CLUAP1: variants seen among roughly 807,000 people sequenced by gnomAD.
CLUAP1 encodes the protein intraflagellar transport 38.
CLUAP1 carries 50 observed loss-of-function variants against 55.0 expected under a neutral mutation model. That is an observed-to-expected ratio of 0.91 (90% CI 0.72 to 1.15). The LOEUF (loss-of-function observed/expected upper bound fraction) is 1.15, where lower values mean the gene tolerates loss of function less well. Ranked by LOEUF, CLUAP1 falls within the 50% of genes most tolerant of loss-of-function variation. The pLI, the probability that CLUAP1 is intolerant of heterozygous loss-of-function variation, is 0.00. For missense variants in CLUAP1, 530 were observed against 507.6 expected (o/e 1.04, Z -0.42); for synonymous variants, 195 against 175.4 (o/e 1.11, Z -0.88).
rs922774720 is a variant in CLUAP1 at position 3,539,011 on chromosome 16, A to G, written c.*2740A>G. 6.6e-6 allele frequency: 1 copy of G among 150,978 alleles called. No homozygotes were observed. Among genetic ancestry groups the G allele is most frequent in the Non-Finnish European group, 1.5e-5 (1 of 67,196 alleles). 9.4% of individuals were successfully genotyped at this position (150,978 alleles called of 1,614,324 possible). ...TAAAATGCTTTAAAAAAAAATGTGT[A>G]TGGATGGAAAATACAAAGGAATTTT... On this transcript the variant is annotated 3_prime_UTR_variant, in exon 12 of 12. Transcript: ENST00000576634.
Position 3,523,195 on chromosome 16 carries a change from G to A in CLUAP1, c.751G>A (p.Glu251Lys), listed in dbSNP as rs1214582590. The A allele has an allele frequency of 1.2e-6, 2 of 1,613,360 alleles. No homozygotes were observed. Among genetic ancestry groups the A allele is most frequent in the Admixed American group, 1.7e-5 (1 of 59,872 alleles). ...GGATGAGTATGAGAAGACTGAGGAA[G>A]AATTACAAAAGCAGTATGACACTTA... ...FMDEYEKTEE[E>K]LQKQYDTYLE... Residue 251 changes from glutamate to lysine, a missense_variant, in exon 8 of 12, where the codon GAA (glutamate) becomes AAA (lysine). Physicochemically the swap from Glu to Lys is moderately conservative, Grantham distance 56. Coordinates refer to ENST00000576634, the MANE Select transcript of CLUAP1 (RefSeq NM_015041.3).
intron 10 of CLUAP1, among the ~76,000 whole-genome samples, chr16:3,532,306 G>T (rs944118625): frequency 1.3e-5 from 2 of 150,298 alleles, no homozygotes; most frequent in Non-Finnish European, 2.9e-5. Flanking sequence ...TAGGTCAAAG[G>T]TTCCATAAAT....
At chr16:3,525,667 C>T (rs536532391) in intron 8 of CLUAP1, among the ~76,000 whole-genome samples, 6 of 151,990 alleles carry the variant, frequency 3.9e-5, no homozygotes, top group African/African-American at 7.3e-5. Flanking sequence ...TGGGCTCAAG[C>T]GATCCTCCCA....
At chr16:3,510,113 G>A (rs1223803033) in intron 4 of CLUAP1, 1 of 152,126 alleles carries the variant, frequency 6.6e-6, no homozygotes, top group Non-Finnish European at 1.5e-5. Flanking sequence ...TTCTGCCTCA[G>A]CCTCCTGAGT....
At chr16:3,503,251 C>T (rs978531394) in intron 1 of CLUAP1, among the ~76,000 whole-genome samples, 1 of 151,120 alleles carries the variant, frequency 6.6e-6, no homozygotes, top group Non-Finnish European at 1.5e-5. Context: ...GCAAGCTCCG[C>T]CTCCTGGGTT....
chr16:3,520,010 G>A lies in CLUAP1; in HGVS notation c.687G>A (p.Lys229=). ...KRKLELERNR[K]RLETLQSVRP... ...AATTAGAACTGGAAAGAAATCGGAA[G>A]CGACTAGAGACTCTGCAGAGTGTCA... The change falls in exon 7 of 12, where the codon AAG becomes AAA. Residue 229 remains lysine, a synonymous_variant. Coordinates refer to ENST00000576634, the MANE Select transcript of CLUAP1 (RefSeq NM_015041.3). The A allele has an allele frequency of 6.2e-7, 1 of 1,613,290 alleles. No homozygotes were observed. The highest frequency in any genetic ancestry group is 8.5e-7 in the Non-Finnish European group (1 of 1,179,790).
chr16:3,515,599 G>A lies in CLUAP1; in HGVS notation c.579+8G>A, dbSNP rs2037715014. 6.4e-7 allele frequency: 1 copy of A among 1,574,014 alleles called. No individual in the cohort carries two copies. The highest frequency in any genetic ancestry group is 1.4e-5 in the African/African-American group (1 of 72,446). ...GCAATAAAAGAGATTTTGGTAAGATGACTTTGCTTTTATATAATGTTTTTT... is the reference window on the plus strand; with the variant it reads ...GCAATAAAAGAGATTTTGGTAAGATAACTTTGCTTTTATATAATGTTTTTT... On this transcript the variant is annotated splice_region_variant and intron_variant, in intron 6 of 11. Coordinates refer to ENST00000576634, the MANE Select transcript of CLUAP1 (RefSeq NM_015041.3).
At chr16:3,503,783 A>G (rs552029135) in intron 1 of CLUAP1, among the ~76,000 whole-genome samples, 1 of 152,140 alleles carries the variant, frequency 6.6e-6, no homozygotes, top group African/African-American at 2.4e-5. Context: ...CTGTATTCAC[A>G]TTTCCCAGAA....
At chr16:3,531,616 C>G (rs1406529285) in intron 10 of CLUAP1, among the ~76,000 whole-genome samples, 2 of 152,294 alleles carry the variant, frequency 1.3e-5, no homozygotes, top group East Asian at 1.9e-4. Context: ...TCATGTCCCA[C>G]TCCCACCTGG....
upstream of CLUAP1, among the ~76,000 whole-genome samples, chr16:3,498,755 G>T (rs1249830861): frequency 1.3e-5 from 2 of 152,136 alleles, no homozygotes; most frequent in African/African-American, 4.8e-5. Context: ...AGCTACTTGG[G>T]AGGCCGAGGC....
chr16:3,506,571 C>T (rs947780221), intron 3 of CLUAP1, among the ~76,000 whole-genome samples, 156 bp downstream of exon 3: 4 of 152,070 alleles, frequency 2.6e-5, no homozygotes, highest in African/African-American at 9.7e-5. Context: ...TGCAGTGGCA[C>T]AATCTTGGCT....
At chr16:3,535,879 G>GC in intron 11 of CLUAP1, 2 of 505,844 alleles carry the variant, frequency 4.0e-6, no homozygotes. Context: ...GGGAAAGCCA[G>GC]CCCCTGCAGC....
intron 5 of CLUAP1, among the ~76,000 whole-genome samples, chr16:3,513,735 C>T (rs150599184): frequency 6.6e-6 from 1 of 152,348 alleles, no homozygotes; most frequent in African/African-American, 2.4e-5. Flanking sequence ...CAGGCATGAG[C>T]CACTGCGTCT....
chr16:3,526,501 T>A lies in CLUAP1; in HGVS notation c.928+17T>A. 1 of 1,589,048 alleles carries A rather than the reference T, an allele frequency of 6.3e-7. No homozygotes were observed. Among genetic ancestry groups the A allele is most frequent in the South Asian group, 1.1e-5 (1 of 87,390 alleles). On this transcript the variant is annotated intron_variant, in intron 9 of 11. Transcript: ENST00000576634. ...AGAGTGGAAGTAAGGCTGGGCTTCG[T>A]AGACGAGCAGTTTACTCTGGACTAG...
chr16:3,527,631 G>A (rs1032252450), intron 9 of CLUAP1, among the ~76,000 whole-genome samples: 8 of 152,064 alleles, frequency 5.3e-5, no homozygotes, highest in South Asian at 2.1e-4. Flanking sequence ...GCAGTTATCC[G>A]GAGGCCTAAC....
At chr16:3,529,420 T>TA (rs1225455037) in intron 9 of CLUAP1, among the ~76,000 whole-genome samples, 20 of 76,456 alleles carry the variant, frequency 2.6e-4, no homozygotes, top group Non-Finnish European at 4.4e-4. Flanking sequence ...GTCATATATA[T>TA]TATTATATAT....
At chr16:3,515,430 G>T (rs2037711333) in intron 5 of CLUAP1, 78 bp from the exon 6 acceptor site, 2 of 989,294 alleles carry the variant, frequency 2.0e-6, no homozygotes, top group Admixed American at 4.7e-5. Context: ...AGTCTATAAG[G>T]CACATCTAGA....
intron 11 of CLUAP1, chr16:3,533,299 C>A: frequency 3.0e-6 from 2 of 671,158 alleles, no homozygotes; most frequent in Non-Finnish European, 5.1e-6. Flanking sequence ...ACAGCGGGAT[C>A]ACTGAAGGCC....
chr16:3,504,085 C>G (rs954275828), intron 1 of CLUAP1, among the ~76,000 whole-genome samples: 26 of 152,186 alleles, frequency 1.7e-4, no homozygotes, highest in African/African-American at 6.3e-4. Context: ...TGACCCCAAC[C>G]TATGGATCAA....
Sources: allele counts gnomAD v4.1 joint callset (sites outside exome capture counted in the v4.1 genomes callset), GRCh38; gene constraint gnomAD v4.1.1; transcripts MANE v1.5; gene names NCBI Gene and HGNC (gene_info 2026-07-23, HGNC 2026-07-21).